EXOC6B: variants seen among roughly 807,000 people sequenced by gnomAD.
EXOC6B encodes SEC15 homolog B.
In EXOC6B, 54 loss-of-function variants were observed where a neutral mutation model predicts 113.5. The ratio of observed to expected loss-of-function variants is 0.48; its 90% CI spans 0.38 to 0.60. The LOEUF (loss-of-function observed/expected upper bound fraction) is 0.60, where lower values mean the gene tolerates loss of function less well. Ranked by LOEUF, EXOC6B falls within the 20% of genes least tolerant of loss-of-function variation. The pLI is 0.00. For synonymous variants in EXOC6B, 357 were observed against 339.0 expected (o/e 1.05, Z -0.58); for missense variants, 797 against 977.5 (o/e 0.82, Z 2.46).
intron 1 of EXOC6B, among the ~76,000 whole-genome samples, chr2:72,751,566 C>T (rs1230251854): frequency 3.3e-5 from 5 of 151,352 alleles, no homozygotes; most frequent in Admixed American, 1.3e-4. Context: ...GGTGGGGGCA[C>T]CTTAAAATTT....
chr2:72,218,962 TAA>T (rs57748151), intron 20 of EXOC6B, among the ~76,000 whole-genome samples: 33 of 141,654 alleles, frequency 2.3e-4, no homozygotes, highest in Admixed American at 2.1e-4. Context: ...TGCTATTTCT[TAA>T]AAAAAAAAAA....
intron 18 of EXOC6B, among the ~76,000 whole-genome samples, chr2:72,441,420 A>T (rs892795268): frequency 6.6e-6 from 1 of 152,048 alleles, no homozygotes; most frequent in Admixed American, 6.6e-5. Context: ...GAGATAGAGA[A>T]CCAAAAAACC....
At chr2:72,554,983 C>T (rs1258230786) in intron 8 of EXOC6B, among the ~76,000 whole-genome samples, 1 of 152,036 alleles carries the variant, frequency 6.6e-6, no homozygotes, top group East Asian at 1.9e-4. Context: ...TCAACTCCCA[C>T]CTATGAGTGA....
intron 18 of EXOC6B, among the ~76,000 whole-genome samples, chr2:72,418,691 T>C (rs1262054231): frequency 6.6e-6 from 1 of 152,186 alleles, no homozygotes; most frequent in East Asian, 1.9e-4. Flanking sequence ...TTGAACCTGT[T>C]TGTGTCTTTA....
At chr2:72,240,514 A>G (rs1682246575) in intron 20 of EXOC6B, among the ~76,000 whole-genome samples, 2 of 152,220 alleles carry the variant, frequency 1.3e-5, no homozygotes, top group Non-Finnish European at 2.9e-5. Context: ...GGAATGACCT[A>G]TATATATTCC....
intron 18 of EXOC6B, among the ~76,000 whole-genome samples, chr2:72,392,583 A>G (rs1692461177): frequency 6.6e-6 from 1 of 152,310 alleles, no homozygotes; most frequent in Middle Eastern, 3.4e-3. Context: ...TCTACTGACT[A>G]TTTAAACCTT....
chr2:72,495,393 T>G, intron 15 of EXOC6B, 37 bp downstream of exon 15: 1 of 1,130,156 alleles, frequency 8.8e-7, no homozygotes, highest in South Asian at 1.5e-5. Flanking sequence ...AGTCACAATC[T>G]TAGCATTGGT....
chr2:72,696,007 T>C (rs926368426), intron 6 of EXOC6B, among the ~76,000 whole-genome samples: 9 of 152,048 alleles, frequency 5.9e-5, no homozygotes, highest in African/African-American at 2.2e-4. Context: ...TACTGGTGTA[T>C]ATATATATAA....
intron 19 of EXOC6B, among the ~76,000 whole-genome samples, chr2:72,336,063 G>C (rs1245582889): frequency 6.6e-6 from 1 of 152,014 alleles, no homozygotes; most frequent in Admixed American, 6.6e-5. Context: ...AAGTTGGACA[G>C]TTATACTATT....
chr2:72,481,937 A>G (rs992682673), intron 16 of EXOC6B, among the ~76,000 whole-genome samples: 5 of 152,306 alleles, frequency 3.3e-5, no homozygotes, highest in African/African-American at 9.6e-5. Flanking sequence ...ATTTTCCTAC[A>G]CTGTTTTCCC....
At chr2:72,557,671 GGA>G (rs1703640998) in intron 8 of EXOC6B, among the ~76,000 whole-genome samples, 1 of 151,998 alleles carries the variant, frequency 6.6e-6, no homozygotes, top group Admixed American at 6.6e-5. Flanking sequence ...GAGGATGGGA[GGA>G]GAGAGAGAAG....
intron 5 of EXOC6B, among the ~76,000 whole-genome samples, chr2:72,721,127 A>G (rs1679973728): frequency 6.6e-6 from 1 of 151,996 alleles, no homozygotes; most frequent in Non-Finnish European, 1.5e-5. Context: ...TCAGGAGTTC[A>G]AGACAAGCCT....
intron 20 of EXOC6B, among the ~76,000 whole-genome samples, chr2:72,255,874 A>T (rs1201700573): frequency 6.6e-6 from 1 of 152,184 alleles, no homozygotes; most frequent in Non-Finnish European, 1.5e-5. Flanking sequence ...AATAAATGTT[A>T]ATTTTTGAGA....
intron 6 of EXOC6B, among the ~76,000 whole-genome samples, chr2:72,709,477 C>G (rs183090633): frequency 6.6e-6 from 1 of 152,138 alleles, no homozygotes; most frequent in Admixed American, 6.5e-5. Flanking sequence ...TGGCAGGGGT[C>G]GAGGGTTGCT....
Position 72,559,453 on chromosome 2 carries a change from C to T in EXOC6B, c.915G>A (p.Leu305=). 6.3e-7 allele frequency: 1 copy of T among 1,597,424 alleles called. No homozygotes were observed. Among genetic ancestry groups the T allele is most frequent in the Non-Finnish European group, 8.5e-7 (1 of 1,172,690 alleles). The change falls in exon 8 of 22, where the codon CTG becomes CTA. Residue 305 remains leucine (L), a splice_region_variant and synonymous_variant. Transcript: ENST00000272427. ...TAGGCAGAGCCAGATAAAGACTCAC[C>T]AGGACAGAATATATATGTAGACATC... is the stretch of plus-strand genomic sequence containing the variant. ...VYRCLHIYSV[L]GARETFENYY... is the part of the protein sequence containing the mutation.
chr2:72,494,063 A>G (rs982612674), intron 15 of EXOC6B, among the ~76,000 whole-genome samples: 16 of 152,130 alleles, frequency 1.1e-4, no homozygotes, highest in African/African-American at 3.9e-4. Context: ...CTTTTTCTAA[A>G]ATCCCCAAGT....
intron 1 of EXOC6B, among the ~76,000 whole-genome samples, chr2:72,787,929 A>C (rs1485886913): frequency 6.6e-6 from 1 of 152,256 alleles, no homozygotes; most frequent in Non-Finnish European, 1.5e-5. Flanking sequence ...TATCAGAACT[A>C]GGTAAGAGAG....
At chr2:72,391,716 C>T (rs757053934) in intron 18 of EXOC6B, among the ~76,000 whole-genome samples, 1 of 152,166 alleles carries the variant, frequency 6.6e-6, no homozygotes, top group Non-Finnish European at 1.5e-5. Context: ...CCACCTATCT[C>T]ATATGCTCTT....
chr2:72,546,468 T>C (rs1201239454), intron 8 of EXOC6B, among the ~76,000 whole-genome samples: 1 of 152,094 alleles, frequency 6.6e-6, no homozygotes, highest in Non-Finnish European at 1.5e-5. Flanking sequence ...AGAGAGAGAT[T>C]ATGAGTAAAT....
Sources: allele counts gnomAD v4.1 joint callset (sites outside exome capture counted in the v4.1 genomes callset), GRCh38; gene constraint gnomAD v4.1.1; transcripts MANE v1.5; gene names NCBI Gene and HGNC (gene_info 2026-07-23, HGNC 2026-07-21).